Variants in DGKI observed in about 807,000 individuals in gnomAD.
DGKI encodes DAG kinase iota.
In DGKI, 55 loss-of-function variants were observed where a neutral mutation model predicts 147.5. The ratio of observed to expected loss-of-function variants is 0.37; its 90% CI spans 0.30 to 0.47. DGKI has a LOEUF of 0.47. Ranked by LOEUF, DGKI falls within the 20% of genes least tolerant of loss-of-function variation. The pLI is 1.00. For missense variants in DGKI, 1,007 were observed against 1,323.8 expected (o/e 0.76, Z 3.71); for synonymous variants, 469 against 477.1 (o/e 0.98, Z 0.22).
At position 137,389,957 on chromosome 7, in the gene DGKI, C is replaced by A. The variant is rs757833367; in HGVS notation, c.*1263G>T. 18 of 152,290 alleles carry A rather than the reference C, an allele frequency of 1.2e-4. 1 individual carries two copies. The highest frequency in any genetic ancestry group is 1.9e-4 in the Non-Finnish European group (13 of 68,036). The allele number at this position is 152,290 out of a possible 1,614,324, so 9.4% of individuals were successfully genotyped here. A position where few individuals can be genotyped will look rare whatever the true frequency, so the allele number is the denominator to read the frequency against. On this transcript the variant is annotated 3_prime_UTR_variant, in exon 33 of 33. Coordinates refer to ENST00000614521, the MANE Select transcript of DGKI (RefSeq NM_001321708.2). ...GAAGCATCCTTCTGAATGATCCAGGCATCCCATAAATCTGGCAGTGGAACT... is the reference window on the plus strand; with the variant it reads ...GAAGCATCCTTCTGAATGATCCAGGAATCCCATAAATCTGGCAGTGGAACT...
chr7:137,421,293 A>G (rs958086870), intron 28 of DGKI, among the ~76,000 whole-genome samples: 2 of 152,198 alleles, frequency 1.3e-5, no homozygotes, highest in Admixed American at 1.3e-4. Context: ...CCTGTGCCAA[A>G]TCCATCTTAG....
intron 1 of DGKI, among the ~76,000 whole-genome samples, chr7:137,841,935 T>C (rs1177240212): frequency 2.6e-5 from 4 of 152,108 alleles, no homozygotes; most frequent in Admixed American, 2.0e-4. Flanking sequence ...AGTGTCAATC[T>C]CCCAGGTAAA....
chr7:137,767,559 A>AG (rs1796058510), intron 1 of DGKI, among the ~76,000 whole-genome samples: 1 of 150,940 alleles, frequency 6.6e-6, no homozygotes, highest in African/African-American at 2.4e-5. Context: ...GGAAGAGAAG[A>AG]GAAGAGAAGA....
intron 23 of DGKI, among the ~76,000 whole-genome samples, chr7:137,472,349 T>A (rs1255604502): frequency 3.5e-5 from 4 of 113,846 alleles, no homozygotes; most frequent in African/African-American, 1.9e-4. Flanking sequence ...ATATAATTAT[T>A]ATATGTATAT....
chr7:137,597,053 C>A (rs185565601), intron 12 of DGKI, among the ~76,000 whole-genome samples: 1 of 152,042 alleles, frequency 6.6e-6, no homozygotes, highest in South Asian at 2.1e-4. Context: ...TGGAGAAAAC[C>A]GATGAGGCAT....
chr7:137,396,965 G>A (rs921219821), intron 31 of DGKI, among the ~76,000 whole-genome samples: 1 of 152,234 alleles, frequency 6.6e-6, no homozygotes, highest in African/African-American at 2.4e-5. Context: ...GACTAACAGA[G>A]AGAAGTTATG....
At chr7:137,737,772 G>A (rs1471627461) in intron 1 of DGKI, among the ~76,000 whole-genome samples, 5 of 152,102 alleles carry the variant, frequency 3.3e-5, no homozygotes, top group Admixed American at 6.6e-5. Context: ...CTGGAATTAA[G>A]CAAAGTGTGG....
chr7:137,427,007 C>A (rs1585103987), intron 28 of DGKI, among the ~76,000 whole-genome samples: 2 of 150,612 alleles, frequency 1.3e-5, no homozygotes, highest in South Asian at 2.1e-4. Flanking sequence ...AGAAAGTCAA[C>A]AAGGATACCC....
intron 1 of DGKI, among the ~76,000 whole-genome samples, chr7:137,800,043 T>C (rs1797149403): frequency 6.6e-6 from 1 of 152,204 alleles, no homozygotes; most frequent in Non-Finnish European, 1.5e-5. Context: ...ATAGGAGGCA[T>C]GGTTGCTTTA....
intron 6 of DGKI, among the ~76,000 whole-genome samples, chr7:137,643,227 C>T (rs981124109): frequency 1.5e-5 from 2 of 131,968 alleles, no homozygotes; most frequent in African/African-American, 2.9e-5. Context: ...GGAGGCGGAG[C>T]TTGCAGTGAG....
chr7:137,817,251 T>C (rs977885636), intron 1 of DGKI, among the ~76,000 whole-genome samples: 2 of 152,204 alleles, frequency 1.3e-5, no homozygotes, highest in Non-Finnish European at 2.9e-5. Context: ...ATTCAAAGTG[T>C]CATCAGTTCA....
At position 137,802,099 on chromosome 7, in the gene DGKI, G is replaced by A. The variant is rs539781704; in HGVS notation, c.401+44363C>T. ...GAAACAATGGCATTTGCAGCAACCC[G>A]GATGGAGCTGGAGGCCATTATTCTA... On this transcript the variant is annotated intron_variant, in intron 1 of 32. Transcript: ENST00000614521. Among the ~76,000 whole-genome samples the A allele has an allele frequency of 3.3e-5, 5 of 152,262 alleles. No individual in the cohort carries two copies. The East Asian group carries it at 9.7e-4, about 29-fold the overall frequency.
intron 1 of DGKI, 98 bp from the exon 2 acceptor site, chr7:137,690,100 G>C: frequency 1.4e-6 from 1 of 740,224 alleles, no homozygotes; most frequent in Non-Finnish European, 2.1e-6. Context: ...AACAATGCCT[G>C]AGTTAGCCTC....
At chr7:137,731,321 G>C (rs1165708632) in intron 1 of DGKI, among the ~76,000 whole-genome samples, 1 of 151,932 alleles carries the variant, frequency 6.6e-6, no homozygotes, top group African/African-American at 2.4e-5. Context: ...TTTATTATTT[G>C]TCTCCTTCCA....
chr7:137,663,652 TG>T (rs1822525186), intron 3 of DGKI, among the ~76,000 whole-genome samples: 1 of 151,984 alleles, frequency 6.6e-6, no homozygotes, highest in African/African-American at 2.4e-5. Context: ...CCCTCAAACC[TG>T]GGAAGTAGGT....
intron 23 of DGKI, among the ~76,000 whole-genome samples, chr7:137,482,018 G>A (rs933904794): frequency 1.1e-4 from 16 of 151,434 alleles, no homozygotes; most frequent in East Asian, 1.9e-4. Context: ...TACTCCCACC[G>A]GGACAAACTA....
chr7:137,587,479 C>A (rs697596), intron 12 of DGKI, among the ~76,000 whole-genome samples: 14,229 of 152,066 alleles, frequency 0.094, 1,635 homozygotes, highest in African/African-American at 0.28. Flanking sequence ...CTAGAAACAC[C>A]CTTGTAAATT....
intron 1 of DGKI, among the ~76,000 whole-genome samples, chr7:137,696,191 G>T (rs1823774295): frequency 6.6e-6 from 1 of 152,104 alleles, no homozygotes. Context: ...CACGTGTCAG[G>T]CAGTTCAAAG....
At chr7:137,490,733 G>T (rs1192104028) in intron 21 of DGKI, among the ~76,000 whole-genome samples, 6 of 152,166 alleles carry the variant, frequency 3.9e-5, no homozygotes, top group Non-Finnish European at 1.5e-5. Flanking sequence ...TTACTTAGGA[G>T]TAGTGAGAGC....
Sources: gnomAD v4.1 joint callset for allele counts (sites outside exome capture counted in the v4.1 genomes callset) on GRCh38, gnomAD v4.1.1 for gene constraint, MANE v1.5 for transcripts, NCBI Gene and HGNC (gene_info 2026-07-23, HGNC 2026-07-21) for gene names.